LIMCH1: variants seen among roughly 807,000 people sequenced by gnomAD.
LIMCH1 encodes LIM and calponin homology domains 1.
In LIMCH1, 113 loss-of-function variants were observed where a neutral mutation model predicts 176.5. That is an observed-to-expected ratio of 0.64 (90% confidence interval 0.55 to 0.75). The LOEUF (loss-of-function observed/expected upper bound fraction) is 0.75. Among genes scored for constraint, LIMCH1 ranks in the 30% least tolerant of loss-of-function variants. The pLI, the probability that LIMCH1 is intolerant of heterozygous loss-of-function variation, is 0.00. For synonymous variants in LIMCH1, 619 were observed against 645.9 expected (o/e 0.96, Z 0.63); for missense variants, 1,674 against 1,814.9 (o/e 0.92, Z 1.41).
chr4:41,675,390 T>A (rs1585739619), intron 22 of LIMCH1, among the ~76,000 whole-genome samples: 4 of 152,018 alleles, frequency 2.6e-5, no homozygotes, highest in African/African-American at 9.7e-5. Flanking sequence ...GCTACCAGGG[T>A]ACATAGATTT....
At chr4:41,633,328 A>T (rs2093422999) in intron 12 of LIMCH1, among the ~76,000 whole-genome samples, 2 of 152,194 alleles carry the variant, frequency 1.3e-5, no homozygotes, top group Admixed American at 6.5e-5. Flanking sequence ...CTCAGGACTC[A>T]TGAAAACCAG....
intron 1 of LIMCH1, among the ~76,000 whole-genome samples, chr4:41,568,800 A>C (rs1216350607): frequency 6.6e-6 from 1 of 152,228 alleles, no homozygotes; most frequent in Non-Finnish European, 1.5e-5. Context: ...TAAACATTTA[A>C]AAGTTTTCTC....
At chr4:41,435,323 A>G (rs1344584896) in intron 1 of LIMCH1, among the ~76,000 whole-genome samples, 2 of 152,218 alleles carry the variant, frequency 1.3e-5, no homozygotes, top group Admixed American at 6.5e-5. Context: ...TGAGCAAAGG[A>G]AAACAGGTGG....
At chr4:41,654,251 G>A (rs1233553341) in intron 18 of LIMCH1, among the ~76,000 whole-genome samples, 2 of 152,162 alleles carry the variant, frequency 1.3e-5, no homozygotes, top group Non-Finnish European at 2.9e-5. Flanking sequence ...TCCTGGGCTA[G>A]TAATATGCAG....
chr4:41,691,277 A>G (rs1725405359), intron 30 of LIMCH1, among the ~76,000 whole-genome samples: 1 of 152,098 alleles, frequency 6.6e-6, no homozygotes, highest in Admixed American at 6.6e-5. Flanking sequence ...TAGGGGCTAG[A>G]TCCTGGTCCC....
At position 41,619,329 on chromosome 4, in the gene LIMCH1, AT is replaced by A. The variant is rs1382755486; in HGVS notation, c.348del (p.Gln117ArgfsTer9). 1 of 1,614,082 alleles carries A rather than the reference AT, an allele frequency of 6.2e-7. No homozygotes were observed. Among genetic ancestry groups the A allele is most frequent in the Non-Finnish European group, 8.5e-7 (1 of 1,180,048 alleles). On this transcript the variant is annotated frameshift_variant, in exon 6 of 32. Coordinates refer to ENST00000503057, the MANE Select transcript of LIMCH1 (RefSeq NM_001330672.2). LOFTEE classifies it high-confidence loss of function. ...PFNQYLPNKSNQTAYVPAPLR... is the reference protein window; with the variant it reads ...PFNQYLPNKSXQTAYVPAPLR... The stretch of plus-strand genomic sequence containing the variant: ...AACCAGTACCTCCCGAACAAAAGCA[AT>A]CAGACGGCCTACGTCCCCGCGCCTC...
intron 1 of LIMCH1, among the ~76,000 whole-genome samples, chr4:41,366,508 A>T (rs1005252592): frequency 1.3e-5 from 2 of 152,106 alleles, no homozygotes; most frequent in Non-Finnish European, 2.9e-5. Flanking sequence ...GGTATCAGAT[A>T]TGATCTTTTT....
At chr4:41,623,795 C>G (rs189160874) in intron 7 of LIMCH1, among the ~76,000 whole-genome samples, 2 of 152,106 alleles carry the variant, frequency 1.3e-5, no homozygotes, top group Admixed American at 1.3e-4. Flanking sequence ...AGCAAAGGTG[C>G]ATGTTATTTC....
chr4:41,646,831 A>T lies in LIMCH1; in HGVS notation c.2758A>T (p.Met920Leu). The stretch of plus-strand genomic sequence containing the variant: ...AACTGTCACTCCCAAAGCAGTGCCT[A>T]TGCTGACACCCAAGCCTTACTCCCA... ...SKTVTPKAVP[M>L]LTPKPYSQPK... The change falls in exon 17 of 32, where the codon ATG becomes TTG. Residue 920 changes from methionine (M) to leucine (L), a missense_variant. Met to Leu is a conservative substitution (Grantham distance 15). Transcript: ENST00000503057. The T allele has an allele frequency of 1.2e-6, 2 of 1,614,208 alleles. No individual in the cohort carries two copies. The highest frequency in any genetic ancestry group is 8.5e-7 in the Non-Finnish European group (1 of 1,180,024).
At chr4:41,631,031 C>T (rs1435817476) in intron 9 of LIMCH1, 117 bp from the exon 10 acceptor site, 3 of 851,932 alleles carry the variant, frequency 3.5e-6, no homozygotes, top group South Asian at 2.0e-5. Context: ...AGTGGGATGC[C>T]GAACTCACTG....
At chr4:41,502,970 T>A (rs1426851653) in intron 2 of LIMCH1, among the ~76,000 whole-genome samples, 3 of 150,578 alleles carry the variant, frequency 2.0e-5, no homozygotes, top group Non-Finnish European at 4.4e-5. Flanking sequence ...ATAACCATGC[T>A]TGAATTGTGT....
At chr4:41,667,479 G>A (rs138103296) in intron 21 of LIMCH1, among the ~76,000 whole-genome samples, 3 of 151,988 alleles carry the variant, frequency 2.0e-5, no homozygotes, top group Non-Finnish European at 4.4e-5. Flanking sequence ...TACATACTGA[G>A]GATATATTTT....
At position 41,644,527 on chromosome 4, in the gene LIMCH1, TGAG is replaced by T. The variant is rs1298926588; in HGVS notation, c.2162_2164del (p.Glu721del). Reference sequence around the variant, plus strand: ...GCACCAGCATGTTTGACATGCGGTGTGAGGAGGAGGCCGCGGTGCAGCCGCACA... The same window carrying T: ...GCACCAGCATGTTTGACATGCGGTGTGAGGAGGCCGCGGTGCAGCCGCACA... On this transcript the variant is annotated inframe_deletion, in exon 15 of 32. Transcript: ENST00000503057. 29 of 1,589,452 alleles carry T rather than the reference TGAG, an allele frequency of 1.8e-5. No homozygotes were observed. The highest frequency in any genetic ancestry group is 2.5e-5 in the Non-Finnish European group (29 of 1,168,378).
At chr4:41,378,094 G>A (rs984965242) in intron 1 of LIMCH1, among the ~76,000 whole-genome samples, 2 of 152,196 alleles carry the variant, frequency 1.3e-5, no homozygotes, top group Non-Finnish European at 2.9e-5. Context: ...GACAGCAATG[G>A]CTAGACCTCG....
chr4:41,682,675 C>CTTTTT (rs200784058), intron 26 of LIMCH1, among the ~76,000 whole-genome samples: 16 of 142,378 alleles, frequency 1.1e-4, no homozygotes, highest in Non-Finnish European at 1.8e-4. Context: ...TTTTCTTCTT[C>CTTTTT]TTCTTTTTTT....
At chr4:41,442,459 A>G (rs2062806227) in intron 1 of LIMCH1, among the ~76,000 whole-genome samples, 1 of 152,248 alleles carries the variant, frequency 6.6e-6, no homozygotes, top group African/African-American at 2.4e-5. Flanking sequence ...CATATTCCCA[A>G]GCACACACAT....
At chr4:41,682,820 G>A (rs1717323248) in intron 26 of LIMCH1, among the ~76,000 whole-genome samples, 1 of 151,848 alleles carries the variant, frequency 6.6e-6, no homozygotes, top group African/African-American at 2.4e-5. Context: ...GGGACTACAG[G>A]TGCGTGCCAC....
rs368665156 is a variant in LIMCH1 at position 41,603,882 on chromosome 4, G to A, written c.-126G>A. On this transcript the variant is annotated 5_prime_UTR_variant, in exon 3 of 32. Coordinates refer to ENST00000503057, the MANE Select transcript of LIMCH1 (RefSeq NM_001330672.2). ...TTCCCTTTCCTTGACTAGGAGCCTT[G>A]ATTATAGTAGGAAGCTGAAAAATGT... is the stretch of plus-strand genomic sequence containing the variant. 10 of 1,606,344 alleles carry A rather than the reference G, an allele frequency of 6.2e-6. No homozygotes were observed. Among genetic ancestry groups the A allele is most frequent in the Non-Finnish European group, 7.7e-6 (9 of 1,174,032 alleles).
chr4:41,410,868 C>G (rs1167933540), intron 1 of LIMCH1, among the ~76,000 whole-genome samples: 2 of 152,210 alleles, frequency 1.3e-5, no homozygotes, highest in South Asian at 2.1e-4. Flanking sequence ...CCAGGCCCTG[C>G]TCCCTGCTGG....
Sources: gnomAD v4.1 joint callset for allele counts (sites outside exome capture counted in the v4.1 genomes callset) on GRCh38, gnomAD v4.1.1 for gene constraint, MANE v1.5 for transcripts, NCBI Gene and HGNC (gene_info 2026-07-23, HGNC 2026-07-21) for gene names.